SYT9: variants seen among roughly 807,000 people sequenced by gnomAD.
The protein encoded by SYT9 is synaptotagmin 9.
SYT9 carries 22 observed loss-of-function variants against 48.4 expected under a neutral mutation model. The observed-to-expected ratio is 0.45, with a 90% CI of 0.32 to 0.65. The LOEUF (loss-of-function observed/expected upper bound fraction) is 0.65, where lower values mean the gene tolerates loss of function less well. Ranked by LOEUF, SYT9 falls within the 30% of genes least tolerant of loss-of-function variation. SYT9 has a pLI of 0.03. For synonymous variants in SYT9, 265 were observed against 245.0 expected (o/e 1.08, Z -0.76); for missense variants, 577 against 622.0 (o/e 0.93, Z 0.77).
chr11:7,277,037 G>A (rs61880897), intron 1 of SYT9, among the ~76,000 whole-genome samples: 14,783 of 152,062 alleles, frequency 0.097, 917 homozygotes, highest in South Asian at 0.21. Flanking sequence ...CCAGGTGACA[G>A]TACGAGACTC....
intron 3 of SYT9, among the ~76,000 whole-genome samples, chr11:7,325,625 C>A (rs1849418353): frequency 1.5e-5 from 1 of 67,766 alleles, no homozygotes; most frequent in Non-Finnish European, 2.8e-5. Context: ...GCCTGATTGC[C>A]CTGGCCAGAA....
chr11:7,262,787 G>C (rs773211974), intron 1 of SYT9, among the ~76,000 whole-genome samples: 4 of 152,250 alleles, frequency 2.6e-5, no homozygotes, highest in Non-Finnish European at 4.4e-5. Context: ...AGCCTGATTG[G>C]CATGGCTGTA....
rs1247408527 is a variant in SYT9 at position 7,252,160 on chromosome 11, G to C, written c.-27G>C. 16 of 1,407,446 alleles carry C rather than the reference G, an allele frequency of 1.1e-5. No homozygotes were observed. The highest frequency in any genetic ancestry group is 3.1e-5 in the East Asian group (1 of 32,760). The allele number at this position is 1,407,446 out of a possible 1,614,324, so 87.2% of individuals were successfully genotyped here. On this transcript the variant is annotated 5_prime_UTR_variant, in exon 1 of 7. Coordinates refer to ENST00000318881, the MANE Select transcript of SYT9 (RefSeq NM_175733.4). The surrounding 1 kb of genome is among the most constrained non-coding windows in gnomAD (Gnocchi z 6.3). ...GGCTGTCTCCTGCGCCCGCCTGCCC[G>C]GCGCGGTCCGAGGATGCGGGGGGGC...
In SYT9 at chr11:7,419,002, T is replaced by C. The variant is rs75943437; in HGVS notation, c.1337+874T>C. ...TATCAGGAAGGCAGCTTCAGTGACC[T>C]GAACACTCTTTCCAGCAGATGCCTG... On this transcript the variant is annotated intron_variant, in intron 5 of 6. Transcript: ENST00000318881. Among the ~76,000 whole-genome samples, 1,413 of 152,336 alleles carry C rather than the reference T, an allele frequency of 9.3e-3. 23 individuals carry two copies. Among genetic ancestry groups the C allele is most frequent in the African/African-American group, 0.032 (1,346 of 41,576 alleles).
intron 6 of SYT9, among the ~76,000 whole-genome samples, chr11:7,451,415 G>T (rs774211517): frequency 1.3e-5 from 2 of 152,102 alleles, no homozygotes; most frequent in Non-Finnish European, 2.9e-5. Flanking sequence ...AATTTCCCTC[G>T]CTATCTTAGC....
At chr11:7,357,376 A>T (rs889019135) in intron 3 of SYT9, among the ~76,000 whole-genome samples, 2 of 152,180 alleles carry the variant, frequency 1.3e-5, no homozygotes, top group African/African-American at 2.4e-5. Context: ...GTGTTTGGAA[A>T]AATATAATAC....
At chr11:7,298,244 G>T (rs1228149627) in intron 1 of SYT9, among the ~76,000 whole-genome samples, 2 of 152,014 alleles carry the variant, frequency 1.3e-5, no homozygotes, top group Non-Finnish European at 2.9e-5. Flanking sequence ...TCAGGTACCT[G>T]TTCCTTGACT....
intron 3 of SYT9, among the ~76,000 whole-genome samples, chr11:7,385,682 A>G (rs951993802): frequency 1.3e-5 from 2 of 152,078 alleles, no homozygotes; most frequent in African/African-American, 2.4e-5. Context: ...CATAAAGCAA[A>G]TATCTATATG....
chr11:7,373,984 A>G (rs1313642498), intron 3 of SYT9, among the ~76,000 whole-genome samples: 2 of 152,132 alleles, frequency 1.3e-5, no homozygotes, highest in African/African-American at 4.8e-5. Context: ...CAGGTTTGTT[A>G]CATAGGTATA....
At chr11:7,294,605 T>C (rs1286796524) in intron 1 of SYT9, among the ~76,000 whole-genome samples, 1 of 152,124 alleles carries the variant, frequency 6.6e-6, no homozygotes, top group East Asian at 1.9e-4. Context: ...AAGTCCAAAG[T>C]ATAAGGCAAA....
chr11:7,332,132 T>G (rs1849545444), intron 3 of SYT9, among the ~76,000 whole-genome samples: 1 of 151,932 alleles, frequency 6.6e-6, no homozygotes, highest in Non-Finnish European at 1.5e-5. Flanking sequence ...GGGAGGCAGG[T>G]GGGTGAAGGG....
intron 6 of SYT9, among the ~76,000 whole-genome samples, chr11:7,455,684 A>G (rs1392006317): frequency 6.6e-6 from 1 of 152,142 alleles, no homozygotes; most frequent in African/African-American, 2.4e-5. Flanking sequence ...AGAAAAACAC[A>G]TCTGTAAATC....
intron 6 of SYT9, among the ~76,000 whole-genome samples, chr11:7,452,424 T>C (rs976544115): frequency 6.6e-6 from 1 of 152,164 alleles, no homozygotes; most frequent in Non-Finnish European, 1.5e-5. Context: ...GTTGGGGCCA[T>C]TTCAAAGGCA....
chr11:7,447,013 T>C (rs1165050946), intron 6 of SYT9, among the ~76,000 whole-genome samples: 2 of 152,356 alleles, frequency 1.3e-5, no homozygotes, highest in African/African-American at 4.8e-5. Flanking sequence ...TGCTTCACTA[T>C]TTGCAGTTTG....
chr11:7,268,026 G>T (rs1353892855), intron 1 of SYT9, among the ~76,000 whole-genome samples: 1 of 151,938 alleles, frequency 6.6e-6, no homozygotes, highest in Non-Finnish European at 1.5e-5. Flanking sequence ...ATATTTAGAA[G>T]AAATTGAAAG....
chr11:7,291,016 A>C (rs1227942503), intron 1 of SYT9, among the ~76,000 whole-genome samples: 1 of 152,158 alleles, frequency 6.6e-6, no homozygotes, highest in African/African-American at 2.4e-5. Flanking sequence ...GCCTGAAAGA[A>C]CCCAAAAAAA....
chr11:7,297,124 G>A (rs990971144), intron 1 of SYT9, among the ~76,000 whole-genome samples: 1 of 151,896 alleles, frequency 6.6e-6, no homozygotes, highest in South Asian at 2.1e-4. Flanking sequence ...GAGAGAGAGA[G>A]AGATCAGATT....
At chr11:7,351,557 G>T (rs1263485262) in intron 3 of SYT9, among the ~76,000 whole-genome samples, 2 of 152,158 alleles carry the variant, frequency 1.3e-5, no homozygotes, top group Non-Finnish European at 2.9e-5. Flanking sequence ...GGGAAAGAAA[G>T]CATCTCCTTT....
At position 7,467,095 on chromosome 11, in the gene SYT9, G is replaced by C. The variant is rs1387981344; in HGVS notation, c.*295G>C. 7.2e-6 allele frequency: 3 copies of C among 418,296 alleles called. No individual in the cohort carries two copies. The highest frequency in any genetic ancestry group is 8.6e-6 in the Non-Finnish European group (2 of 232,666). 25.9% of individuals were successfully genotyped at this position (418,296 alleles called of 1,614,324 possible). On this transcript the variant is annotated 3_prime_UTR_variant, in exon 7 of 7. Transcript: ENST00000318881. ...ATGATAGATATAGTGACAGTACCAA[G>C]AGTACCAGGACTCAATGTTTCATAT...
Sources: allele counts gnomAD v4.1 joint callset (sites outside exome capture counted in the v4.1 genomes callset), GRCh38; gene constraint gnomAD v4.1.1; non-coding constraint Gnocchi (gnomAD v3.1); transcripts MANE v1.5; gene names NCBI Gene and HGNC (gene_info 2026-07-23, HGNC 2026-07-21).